The following TCF7L2 variants were observed in gnomAD, a reference collection of about 807,000 sequenced individuals.
The protein encoded by TCF7L2 is transcription factor 7-like 2.
TCF7L2 carries 23 observed loss-of-function variants against 77.9 expected under a neutral mutation model. The ratio of observed to expected loss-of-function variants is 0.30; its 90% CI spans 0.21 to 0.42. The LOEUF (loss-of-function observed/expected upper bound fraction) is 0.42, where lower values mean the gene tolerates loss of function less well. TCF7L2 is among the 10% of genes least tolerant of loss of function. TCF7L2 has a pLI of 1.00. For missense variants in TCF7L2, 654 were observed against 793.1 expected (o/e 0.82, Z 2.11); for synonymous variants, 413 against 340.2 (o/e 1.21, Z -2.36).
chr10:112,974,166 G>A (rs2038899952), intron 4 of TCF7L2, among the ~76,000 whole-genome samples: 2 of 152,138 alleles, frequency 1.3e-5, no homozygotes, highest in South Asian at 4.1e-4. Context: ...TAGTTTTACC[G>A]TTTTTACTTA....
chr10:113,124,201 AT>A (rs34308147), intron 5 of TCF7L2, among the ~76,000 whole-genome samples: 49,064 of 134,086 alleles, frequency 0.37, 9,415 homozygotes, highest in East Asian at 0.69. Context: ...CTTAAAAAAA[AT>A]TTTTTTTATG....
At chr10:113,035,959 G>A (rs1463502438) in intron 4 of TCF7L2, among the ~76,000 whole-genome samples, 1 of 152,046 alleles carries the variant, frequency 6.6e-6, no homozygotes, top group East Asian at 1.9e-4. Flanking sequence ...TGCCAACCCT[G>A]CCCTGAACAA....
intron 5 of TCF7L2, among the ~76,000 whole-genome samples, chr10:113,042,476 A>G (rs540891210): frequency 6.6e-6 from 1 of 152,304 alleles, no homozygotes; most frequent in Admixed American, 6.5e-5. Flanking sequence ...AAAAGCCATG[A>G]ATTTGGACAA....
At position 113,151,916 on chromosome 10, in the gene TCF7L2, G is replaced by T. The variant is rs560009663; in HGVS notation, c.1161+32G>T. 2 of 1,577,620 alleles carry T rather than the reference G, an allele frequency of 1.3e-6. No homozygotes were observed. The highest frequency in any genetic ancestry group is 2.2e-5 in the East Asian group (1 of 44,716). ...GACGCCCTTCTCAGGGAGAAGCGGG[G>T]GGCGGGTGGTGAGGGACCAGAGTGC... On this transcript the variant is annotated intron_variant, in intron 10 of 13. Transcript: ENST00000627217. This position sits in a 1 kb window ranked among gnomAD's most constrained non-coding sequence, Gnocchi z 5.2.
intron 5 of TCF7L2, 64 bp from the exon 6 acceptor site, chr10:113,141,120 G>A (rs2068302765): frequency 6.9e-6 from 11 of 1,595,738 alleles, no homozygotes; most frequent in Non-Finnish European, 9.4e-6. Flanking sequence ...CGGGCCCGGT[G>A]CTCTGAAGCC....
intron 5 of TCF7L2, 46 bp from the exon 6 acceptor site, chr10:113,141,138 G>C (rs774721503): frequency 1.1e-5 from 17 of 1,606,968 alleles, no homozygotes; most frequent in Non-Finnish European, 1.4e-5. Flanking sequence ...GCCCTGGGCT[G>C]CTGGAACCGG....
At chr10:113,138,918 G>A (rs973427298) in intron 5 of TCF7L2, among the ~76,000 whole-genome samples, 8 of 152,082 alleles carry the variant, frequency 5.3e-5, no homozygotes, top group Admixed American at 1.3e-4. Flanking sequence ...AAAGCATCCC[G>A]GGAGATGCTT....
Position 113,167,639 on chromosome 10 carries a change from G to A in TCF7L2, c.*1667G>A, listed in dbSNP as rs915501183. 21 of 191,534 alleles carry A rather than the reference G, an allele frequency of 1.1e-4. No homozygotes were observed. The highest frequency in any genetic ancestry group is 2.8e-4 in the African/African-American group (12 of 43,164). The allele number at this position is 191,534 out of a possible 1,614,324, so 11.9% of individuals were successfully genotyped here. ...TGCTGTACAGTATCTGTAGCATGCC[G>A]TTCTGGATTAATAAAAGCAACTTAG... On this transcript the variant is annotated 3_prime_UTR_variant, in exon 14 of 14. Coordinates refer to ENST00000627217, the MANE Select transcript of TCF7L2 (RefSeq NM_001146274.2).
At chr10:113,048,587 T>C (rs1331299012) in intron 5 of TCF7L2, among the ~76,000 whole-genome samples, 1 of 152,240 alleles carries the variant, frequency 6.6e-6, no homozygotes, top group African/African-American at 2.4e-5. Flanking sequence ...TGGGATAGCA[T>C]GTTTAATTTG....
intron 5 of TCF7L2, among the ~76,000 whole-genome samples, chr10:113,076,624 G>T (rs1280862048): frequency 6.6e-6 from 1 of 152,162 alleles, no homozygotes; most frequent in Non-Finnish European, 1.5e-5. Flanking sequence ...AAATTCTATG[G>T]TTCCTTTATG....
intron 5 of TCF7L2, chr10:113,089,656 G>A: frequency 1.5e-6 from 2 of 1,328,702 alleles, no homozygotes; most frequent in Non-Finnish European, 2.0e-6. Context: ...CTGAATTCTT[G>A]TTGGGTCACT....
intron 4 of TCF7L2, among the ~76,000 whole-genome samples, chr10:112,989,276 C>T (rs1220323566): frequency 6.6e-6 from 1 of 151,580 alleles, no homozygotes; most frequent in Non-Finnish European, 1.5e-5. Context: ...AGGCCTTGCA[C>T]GTGACATTGG....
chr10:113,165,460 C>G, intron 13 of TCF7L2, 95 bp from the exon 15 acceptor site: 4 of 1,389,560 alleles, frequency 2.9e-6, no homozygotes, highest in Middle Eastern at 2.1e-4. Flanking sequence ...TGGGACATCC[C>G]TTAGGTGACC....
At position 113,166,059 on chromosome 10, in the gene TCF7L2, GT is replaced by G. The variant is rs1395928748; in HGVS notation, c.*91del. On this transcript the variant is annotated 3_prime_UTR_variant, in exon 14 of 14. Coordinates refer to ENST00000627217, the MANE Select transcript of TCF7L2 (RefSeq NM_001146274.2). ...CCCCACCCCCACCTTGAAAGGTTTT[GT>G]TTTGTACTCTCTTAATTTTGTGCCA... The G allele has an allele frequency of 7.8e-7, 1 of 1,279,990 alleles. No individual in the cohort carries two copies. Among genetic ancestry groups the G allele is most frequent in the African/African-American group, 1.7e-5 (1 of 58,042 alleles). The allele number at this position is 1,279,990 out of a possible 1,614,324, so 79.3% of individuals were successfully genotyped here. A position where few individuals can be genotyped will look rare whatever the true frequency, so the allele number is the denominator to read the frequency against.
chr10:112,983,191 G>A (rs901837815), intron 4 of TCF7L2, among the ~76,000 whole-genome samples: 10 of 151,606 alleles, frequency 6.6e-5, no homozygotes, highest in African/African-American at 2.2e-4. Context: ...ATAAATTTAG[G>A]CCGGGCACGG....
At chr10:113,015,163 G>A (rs2047126954) in intron 4 of TCF7L2, among the ~76,000 whole-genome samples, 1 of 152,226 alleles carries the variant, frequency 6.6e-6, no homozygotes, top group Non-Finnish European at 1.5e-5. Context: ...TCCAGCCTGG[G>A]CAACAGAACA....
At chr10:113,054,852 AT>A (rs959881012) in intron 5 of TCF7L2, among the ~76,000 whole-genome samples, 33 of 151,406 alleles carry the variant, frequency 2.2e-4, no homozygotes, top group African/African-American at 5.1e-4. Flanking sequence ...TTTTATTTTT[AT>A]TTTTTTCTTT....
At chr10:112,974,279 G>A (rs920451198) in intron 4 of TCF7L2, among the ~76,000 whole-genome samples, 10 of 152,058 alleles carry the variant, frequency 6.6e-5, no homozygotes, top group Non-Finnish European at 1.3e-4. Flanking sequence ...CACTTAGTTC[G>A]GAAGAGGGCT....
At chr10:112,980,593 T>C (rs1369884237) in intron 4 of TCF7L2, among the ~76,000 whole-genome samples, 1 of 152,000 alleles carries the variant, frequency 6.6e-6, no homozygotes, top group Non-Finnish European at 1.5e-5. Flanking sequence ...CTTAAGTCAC[T>C]AGTTTTTATT....
Sources: allele counts gnomAD v4.1 joint callset (sites outside exome capture counted in the v4.1 genomes callset), GRCh38; gene constraint gnomAD v4.1.1; non-coding constraint Gnocchi (gnomAD v3.1); transcripts MANE v1.5; gene names NCBI Gene and HGNC (gene_info 2026-07-23, HGNC 2026-07-21).